TRPC4: variants seen among roughly 807,000 people sequenced by gnomAD.
TRPC4 encodes the protein transient receptor potential cation channel subfamily C member 4.
TRPC4 carries 49 observed loss-of-function variants against 99.4 expected under a neutral mutation model. That is an observed-to-expected ratio of 0.49 (90% CI 0.39 to 0.63). The LOEUF is 0.63. Among genes scored for constraint, TRPC4 ranks in the 20% least tolerant of loss-of-function variants. TRPC4 has a pLI of 0.00. For missense variants in TRPC4, 898 were observed against 1,152.9 expected (o/e 0.78, Z 3.20); for synonymous variants, 454 against 425.9 (o/e 1.07, Z -0.81).
chr13:37,714,877 T>A (rs973109649), intron 3 of TRPC4, among the ~76,000 whole-genome samples: 1 of 152,206 alleles, frequency 6.6e-6, no homozygotes, highest in Non-Finnish European at 1.5e-5. Context: ...TTTTTTATAA[T>A]CTCTCCCACT....
intron 3 of TRPC4, among the ~76,000 whole-genome samples, chr13:37,745,435 C>T (rs926054646): frequency 0.029 from 536 of 18,258 alleles, 5 homozygotes; most frequent in African/African-American, 0.042. Context: ...TATATATATG[C>T]GTATATATAT....
At chr13:37,718,279 A>G (rs1408679395) in intron 3 of TRPC4, among the ~76,000 whole-genome samples, 1 of 151,890 alleles carries the variant, frequency 6.6e-6, no homozygotes, top group Non-Finnish European at 1.5e-5. Flanking sequence ...AAACTACAAA[A>G]CGCACACACG....
intron 2 of TRPC4, among the ~76,000 whole-genome samples, chr13:37,757,720 A>T (rs1956130634): frequency 6.6e-6 from 1 of 151,944 alleles, no homozygotes; most frequent in Non-Finnish European, 1.5e-5. Context: ...AAGATCTAAA[A>T]TGTAAATAAA....
intron 2 of TRPC4, among the ~76,000 whole-genome samples, chr13:37,781,144 G>A (rs1956829018): frequency 6.6e-6 from 1 of 152,072 alleles, no homozygotes; most frequent in South Asian, 2.1e-4. Context: ...ATTCTGGTCA[G>A]TACAAATGTC....
At chr13:37,822,183 T>C (rs902200448) in intron 1 of TRPC4, among the ~76,000 whole-genome samples, 4 of 151,990 alleles carry the variant, frequency 2.6e-5, no homozygotes, top group African/African-American at 4.8e-5. Flanking sequence ...ACAAAGCCAA[T>C]AGGCATGTGA....
At chr13:37,831,991 T>A (rs182837096) in intron 1 of TRPC4, among the ~76,000 whole-genome samples, 184 of 152,270 alleles carry the variant, frequency 1.2e-3, no homozygotes, top group African/African-American at 4.2e-3. Flanking sequence ...TGACTATATT[T>A]TACAATGTGT....
chr13:37,661,420 T>C (rs1952434780), intron 6 of TRPC4, among the ~76,000 whole-genome samples: 1 of 152,192 alleles, frequency 6.6e-6, no homozygotes, highest in Non-Finnish European at 1.5e-5. Context: ...AGGAATCAGA[T>C]AGGTGAGAAG....
intron 4 of TRPC4, among the ~76,000 whole-genome samples, chr13:37,687,272 A>G (rs1953515343): frequency 6.6e-6 from 1 of 152,092 alleles, no homozygotes; most frequent in Non-Finnish European, 1.5e-5. Context: ...CCAAAGTTCT[A>G]CTTCTTTCAT....
chr13:37,822,276 T>TA (rs142504371), intron 1 of TRPC4, among the ~76,000 whole-genome samples: 43,532 of 151,026 alleles, frequency 0.29, 6,426 homozygotes, highest in East Asian at 0.43. Context: ...TCAGAATGGT[T>TA]TTTTTTTTAT....
intron 1 of TRPC4, among the ~76,000 whole-genome samples, chr13:37,857,880 G>A (rs918476638): frequency 2.0e-5 from 3 of 151,286 alleles, no homozygotes; most frequent in Non-Finnish European, 3.0e-5. Context: ...GTAATACCCC[G>A]CAAGCATAGA....
chr13:37,831,279 G>A (rs1249417773), intron 1 of TRPC4, among the ~76,000 whole-genome samples: 1 of 152,114 alleles, frequency 6.6e-6, no homozygotes, highest in Non-Finnish European at 1.5e-5. Context: ...GTAGATGTAT[G>A]AAAAATGCTC....
chr13:37,775,265 A>C (rs1028286201), intron 2 of TRPC4, among the ~76,000 whole-genome samples: 5 of 151,922 alleles, frequency 3.3e-5, no homozygotes, highest in Admixed American at 3.3e-4. Flanking sequence ...TTAGGGTAAG[A>C]ATATAATCAC....
intron 8 of TRPC4, among the ~76,000 whole-genome samples, chr13:37,647,871 T>C (rs1211475565): frequency 6.6e-6 from 1 of 152,242 alleles, no homozygotes; most frequent in Non-Finnish European, 1.5e-5. Flanking sequence ...ACTTTTGATA[T>C]TACTTTCTCA....
In TRPC4 at chr13:37,663,397, A is replaced by G. The variant is rs1307809856; in HGVS notation, c.1688+19T>C. On this transcript the variant is annotated intron_variant, in intron 6 of 10. Coordinates refer to ENST00000379705, the MANE Select transcript of TRPC4 (RefSeq NM_016179.4). ...AAATGCTGTACAACATTACCAGTAG[A>G]AATGTCTATTAGACTTACGTTGAAA... 2 of 1,595,984 alleles carry G rather than the reference A, an allele frequency of 1.3e-6. No homozygotes were observed. Among genetic ancestry groups the G allele is most frequent in the Non-Finnish European group, 1.7e-6 (2 of 1,169,876 alleles).
chr13:37,764,424 T>C (rs1025366740), intron 2 of TRPC4, among the ~76,000 whole-genome samples: 1 of 151,040 alleles, frequency 6.6e-6, no homozygotes, highest in Non-Finnish European at 1.5e-5. Flanking sequence ...GAATTTTATA[T>C]ATTAATATTT....
In TRPC4 at chr13:37,726,127, C is replaced by T. The variant is rs529629875; in HGVS notation, c.897+19810G>A. ...AGGAGAATCACTTGAACCCAGGAGG[C>T]GGAGGTTGCAGTGAGCCGAGATCGT... On this transcript the variant is annotated intron_variant, in intron 3 of 10. Transcript: ENST00000379705. 1.2e-4 allele frequency among the ~76,000 whole-genome samples: 18 copies of T among 151,444 alleles called. No homozygotes were observed. The East Asian group carries it at 2.9e-3, about 25-fold the overall frequency.
chr13:37,775,976 C>T (rs1158668382), intron 2 of TRPC4, among the ~76,000 whole-genome samples: 5 of 151,754 alleles, frequency 3.3e-5, no homozygotes, highest in Admixed American at 3.3e-4. Flanking sequence ...GTCAATGAGA[C>T]TAAGGAGGTT....
At position 37,771,148 on chromosome 13, in the gene TRPC4, C is replaced by A. The variant is rs187138428; in HGVS notation, c.378+11808G>T. ...ATAATTACTTATATTTACCCTAAAA[C>A]TGCAGTTGATTGCTAATTAGATTCC... On this transcript the variant is annotated intron_variant, in intron 2 of 10. Transcript: ENST00000379705. Among the ~76,000 whole-genome samples the A allele has an allele frequency of 3.2e-3, 489 of 151,774 alleles. 2 individuals carry two copies. Among genetic ancestry groups the A allele is most frequent in the African/African-American group, 0.011 (464 of 41,482 alleles).
At chr13:37,826,811 T>C (rs1026581873) in intron 1 of TRPC4, among the ~76,000 whole-genome samples, 2 of 152,182 alleles carry the variant, frequency 1.3e-5, no homozygotes, top group Non-Finnish European at 2.9e-5. Flanking sequence ...TGAATCTGAA[T>C]GTTGCCCTGC....
Sources: gnomAD v4.1 joint callset for allele counts (sites outside exome capture counted in the v4.1 genomes callset) on GRCh38, gnomAD v4.1.1 for gene constraint, MANE v1.5 for transcripts, NCBI Gene and HGNC (gene_info 2026-07-23, HGNC 2026-07-21) for gene names.